The following LARGE1 variants were observed in gnomAD, a reference collection of about 807,000 sequenced individuals.
The protein encoded by LARGE1 is xylosyl- and glucuronyltransferase LARGE1.
In LARGE1, 43 loss-of-function variants were observed where a neutral mutation model predicts 87.6. The ratio of observed to expected loss-of-function variants is 0.49; its 90% confidence interval spans 0.38 to 0.63. The LOEUF (loss-of-function observed/expected upper bound fraction) is 0.63, where lower values mean the gene tolerates loss of function less well. Among genes scored for constraint, LARGE1 ranks in the 30% least tolerant of loss-of-function variants. LARGE1 has a pLI of 0.00. For synonymous variants in LARGE1, 434 were observed against 394.6 expected (o/e 1.10, Z -1.18); for missense variants, 802 against 1,000.2 (o/e 0.80, Z 2.67).
At chr22:33,308,812 G>A (rs914250138) in intron 11 of LARGE1, among the ~76,000 whole-genome samples, 7 of 152,158 alleles carry the variant, frequency 4.6e-5, no homozygotes, top group African/African-American at 1.7e-4. Flanking sequence ...TCCAGTTCTT[G>A]TACTAAGCTG....
chr22:33,170,805 T>C (rs773279180), intron 11 of LARGE1, among the ~76,000 whole-genome samples: 34 of 152,326 alleles, frequency 2.2e-4, no homozygotes, highest in Non-Finnish European at 4.0e-4. Flanking sequence ...TCAGTGGTAC[T>C]GCTATAAAGT....
At chr22:33,469,430 A>C (rs2068741606) in intron 6 of LARGE1, among the ~76,000 whole-genome samples, 1 of 152,228 alleles carries the variant, frequency 6.6e-6, no homozygotes, top group Non-Finnish European at 1.5e-5. Context: ...CTAACGCAGG[A>C]ACACAAAATG....
At chr22:33,541,209 A>AAAT (rs1242227360) in intron 6 of LARGE1, among the ~76,000 whole-genome samples, 7 of 150,574 alleles carry the variant, frequency 4.6e-5, no homozygotes, top group African/African-American at 1.7e-4. Context: ...AAGAAAAAAA[A>AAAT]AAAAAAAGAA....
the LARGE1 span, among the ~76,000 whole-genome samples, chr22:33,079,221 CTTTTTTTTT>C: frequency 3.5e-5 from 3 of 85,778 alleles, no homozygotes; most frequent in East Asian, 1.1e-3. Flanking sequence ...AGTTATCATT[CTTTTTTTTT>C]TTTTTTTTTT....
At chr22:33,660,969 G>A (rs1035727572) in intron 2 of LARGE1, among the ~76,000 whole-genome samples, 2 of 151,696 alleles carry the variant, frequency 1.3e-5, no homozygotes, top group Non-Finnish European at 2.9e-5. Context: ...AATCACACGT[G>A]CTAAGAATCA....
chr22:33,196,649 A>G (rs889935223), intron 11 of LARGE1, among the ~76,000 whole-genome samples: 4 of 152,100 alleles, frequency 2.6e-5, no homozygotes, highest in Non-Finnish European at 5.9e-5. Flanking sequence ...CAACTTTGGG[A>G]TCTCCATAAC....
intron 6 of LARGE1, among the ~76,000 whole-genome samples, chr22:33,491,152 G>A (rs2069823562): frequency 6.6e-6 from 1 of 152,130 alleles, no homozygotes; most frequent in South Asian, 2.1e-4. Flanking sequence ...CTCTTAATAT[G>A]ACAGTGTTGG....
At chr22:33,442,096 G>C (rs1185153171) in intron 6 of LARGE1, among the ~76,000 whole-genome samples, 1 of 152,194 alleles carries the variant, frequency 6.6e-6, no homozygotes, top group Non-Finnish European at 1.5e-5. Flanking sequence ...CTGAATAAGT[G>C]AAGATGAGAG....
At chr22:33,608,157 C>G (rs373241263) in intron 4 of LARGE1, among the ~76,000 whole-genome samples, 1 of 152,114 alleles carries the variant, frequency 6.6e-6, no homozygotes, top group African/African-American at 2.4e-5. Context: ...TTCTTATTAA[C>G]GGAGAATGGA....
chr22:33,074,520 CA>C, the LARGE1 span, among the ~76,000 whole-genome samples: 1 of 151,918 alleles, frequency 6.6e-6, no homozygotes, highest in Non-Finnish European at 1.5e-5. Context: ...ACTAAAAATA[CA>C]AAAATTAGCC....
intron 2 of LARGE1, among the ~76,000 whole-genome samples, chr22:33,753,796 A>T (rs2084407224): frequency 6.6e-6 from 1 of 152,190 alleles, no homozygotes. Context: ...GCAGTGGCTC[A>T]TACCTGTAAT....
At chr22:33,127,805 T>G in the LARGE1 span, among the ~76,000 whole-genome samples, 28 of 152,206 alleles carry the variant, frequency 1.8e-4, no homozygotes, top group African/African-American at 6.0e-4. Flanking sequence ...TATCCCTTTC[T>G]GAAAGAAAAT....
At chr22:33,496,372 A>G (rs2070118185) in intron 6 of LARGE1, among the ~76,000 whole-genome samples, 1 of 152,138 alleles carries the variant, frequency 6.6e-6, no homozygotes, top group East Asian at 1.9e-4. Flanking sequence ...CTTAACCATC[A>G]CGGTGAGTGA....
chr22:33,592,436 G>C (rs528795214), intron 5 of LARGE1, among the ~76,000 whole-genome samples: 5 of 151,960 alleles, frequency 3.3e-5, no homozygotes, highest in Admixed American at 3.3e-4. Flanking sequence ...TCTGAGCTTT[G>C]CAGAAACACC....
intron 11 of LARGE1, among the ~76,000 whole-genome samples, chr22:33,177,780 T>G (rs1256597945): frequency 1.3e-5 from 2 of 152,216 alleles, no homozygotes; most frequent in Non-Finnish European, 2.9e-5. Flanking sequence ...GGTTTGACTC[T>G]GCATCCCCAC....
intron 11 of LARGE1, among the ~76,000 whole-genome samples, chr22:33,201,626 AG>A (rs1924399176): frequency 6.6e-6 from 1 of 152,148 alleles, no homozygotes; most frequent in South Asian, 2.1e-4. Flanking sequence ...CTCCAGAAAA[AG>A]CAGAGGGACA....
At chr22:33,598,073 C>T (rs9609842) in intron 5 of LARGE1, among the ~76,000 whole-genome samples, 12,936 of 152,142 alleles carry the variant, frequency 0.085, 679 homozygotes, top group African/African-American at 0.14. Flanking sequence ...AGAGAAGGAA[C>T]CTGCCCCCAT....
intron 5 of LARGE1, among the ~76,000 whole-genome samples, chr22:33,581,582 G>T (rs567997136): frequency 1.3e-5 from 2 of 152,078 alleles, no homozygotes; most frequent in Admixed American, 1.3e-4. Context: ...GGGAGGCTGA[G>T]GTGGGCAGAT....
intron 6 of LARGE1, among the ~76,000 whole-genome samples, chr22:33,516,978 A>C (rs2071338641): frequency 6.6e-6 from 1 of 152,222 alleles, no homozygotes; most frequent in Admixed American, 6.5e-5. Flanking sequence ...TGTTGACTAT[A>C]GCCTTAAAAG....
Sources: gnomAD v4.1 joint callset for allele counts (sites outside exome capture counted in the v4.1 genomes callset) on GRCh38, gnomAD v4.1.1 for gene constraint, MANE v1.5 for transcripts, NCBI Gene and HGNC (gene_info 2026-07-23, HGNC 2026-07-21) for gene names.